L3MBTL4: variants seen among roughly 807,000 people sequenced by gnomAD.
L3MBTL4 encodes lethal(3)malignant brain tumor-like protein 4.
Under a neutral mutation model 84.5 loss-of-function variants are expected in L3MBTL4, and 70 were observed. The ratio of observed to expected loss-of-function variants is 0.83; its 90% CI spans 0.68 to 1.01. L3MBTL4 has a LOEUF of 1.01. Among genes scored for constraint, L3MBTL4 ranks in the 50% least tolerant of loss-of-function variants. The pLI, the probability that L3MBTL4 is intolerant of heterozygous loss-of-function variation, is 0.00. For missense variants in L3MBTL4, 715 were observed against 754.8 expected (o/e 0.95, Z 0.62); for synonymous variants, 274 against 259.8 (o/e 1.05, Z -0.52).
chr18:6,301,230 A>G lies in L3MBTL4; in HGVS notation c.127+673T>C, dbSNP rs892041604. On this transcript the variant is annotated intron_variant, in intron 4 of 18. Transcript: ENST00000317931. ...AGGTACTTTAAAAGTTAATTAGAGG[A>G]CCATTATCATATTTATATGCTTCCT... 4.6e-5 allele frequency among the ~76,000 whole-genome samples: 7 copies of G among 152,172 alleles called. No individual in the cohort carries two copies. In the South Asian group the frequency reaches 6.2e-4, roughly 14 times the overall value.
At chr18:6,061,522 G>A (rs1252785151) in intron 16 of L3MBTL4, among the ~76,000 whole-genome samples, 2 of 151,374 alleles carry the variant, frequency 1.3e-5, no homozygotes, top group African/African-American at 4.9e-5. Flanking sequence ...TCTTTTTCAT[G>A]GTTTGTGCTT....
intron 5 of L3MBTL4, among the ~76,000 whole-genome samples, chr18:6,258,095 C>T (rs757816157): frequency 6.6e-6 from 1 of 152,090 alleles, no homozygotes; most frequent in Non-Finnish European, 1.5e-5. Context: ...TCTTCCAGGA[C>T]CACAGGGGAA....
At chr18:6,188,803 A>T (rs1474655029) in intron 12 of L3MBTL4, among the ~76,000 whole-genome samples, 2 of 152,366 alleles carry the variant, frequency 1.3e-5, no homozygotes, top group East Asian at 3.9e-4. Flanking sequence ...TGGAAGGCCC[A>T]GGGAGACCCC....
intron 1 of L3MBTL4, among the ~76,000 whole-genome samples, chr18:6,360,733 T>G (rs2053652404): frequency 6.6e-6 from 1 of 152,096 alleles, no homozygotes; most frequent in African/African-American, 2.4e-5. Context: ...CTCACGCCTG[T>G]AAACCCAACA....
At chr18:6,335,065 T>C (rs1384962778) in intron 1 of L3MBTL4, among the ~76,000 whole-genome samples, 1 of 152,186 alleles carries the variant, frequency 6.6e-6, no homozygotes, top group Non-Finnish European at 1.5e-5. Flanking sequence ...CTCTCAGAAA[T>C]CAATTGCTCT....
At chr18:6,185,229 AGC>A (rs2044666826) in intron 12 of L3MBTL4, among the ~76,000 whole-genome samples, 2 of 152,204 alleles carry the variant, frequency 1.3e-5, no homozygotes, top group Admixed American at 6.5e-5. Context: ...GGGAAGGCGG[AGC>A]CAGGGCCATA....
intron 14 of L3MBTL4, among the ~76,000 whole-genome samples, chr18:6,096,010 T>C (rs2058632225): frequency 1.3e-5 from 2 of 152,240 alleles, no homozygotes; most frequent in African/African-American, 4.8e-5. Context: ...TCAGAAGTTT[T>C]GCTATCCATC....
At chr18:6,002,292 G>A (rs1397370223) in intron 16 of L3MBTL4, among the ~76,000 whole-genome samples, 1 of 152,160 alleles carries the variant, frequency 6.6e-6, no homozygotes, top group Non-Finnish European at 1.5e-5. Flanking sequence ...TGTAAGAAAT[G>A]CTAAAGGGAG....
chr18:6,334,616 T>C lies in L3MBTL4; in HGVS notation c.-90-22560A>G, dbSNP rs577240818. Among the ~76,000 whole-genome samples the C allele has an allele frequency of 3.3e-5, 5 of 152,340 alleles. No homozygotes were observed. The South Asian group carries it at 1.0e-3, about 32-fold the overall frequency. ...TATAATTGTTTAATTGGCATTGTTT[T>C]TTCTTACTAGTGGTCCTTAAAATAA... On this transcript the variant is annotated intron_variant, in intron 1 of 18. Coordinates refer to ENST00000317931, the MANE Select transcript of L3MBTL4 (RefSeq NM_001330559.2).
chr18:6,330,875 A>G (rs2051999061), intron 1 of L3MBTL4, among the ~76,000 whole-genome samples: 1 of 152,252 alleles, frequency 6.6e-6, no homozygotes, highest in South Asian at 2.1e-4. Flanking sequence ...AAACATTAAA[A>G]TACATTTTAA....
At chr18:6,261,106 T>C (rs1248864102) in intron 5 of L3MBTL4, among the ~76,000 whole-genome samples, 1 of 152,196 alleles carries the variant, frequency 6.6e-6, no homozygotes, top group Non-Finnish European at 1.5e-5. Context: ...GAATTCCTCA[T>C]AAATTCATTA....
chr18:6,274,792 C>T (rs776211565), intron 4 of L3MBTL4, among the ~76,000 whole-genome samples: 4 of 152,146 alleles, frequency 2.6e-5, no homozygotes, highest in Admixed American at 6.5e-5. Flanking sequence ...CATGATATGA[C>T]GAGGTCTCGA....
intron 4 of L3MBTL4, among the ~76,000 whole-genome samples, chr18:6,278,121 A>T (rs1410063785): frequency 6.6e-6 from 1 of 152,156 alleles, no homozygotes; most frequent in Non-Finnish European, 1.5e-5. Context: ...ATTTGCTAAA[A>T]ATTCCAAGAC....
At chr18:6,161,631 C>G (rs1046583626) in intron 13 of L3MBTL4, among the ~76,000 whole-genome samples, 1 of 152,098 alleles carries the variant, frequency 6.6e-6, no homozygotes, top group Non-Finnish European at 1.5e-5. Context: ...TATAGAGAAC[C>G]AGCAAGTTCT....
rs12457021 is a variant in L3MBTL4 at position 6,016,228 on chromosome 18, G to T, written c.1445-46666C>A. On this transcript the variant is annotated intron_variant, in intron 16 of 18. Coordinates refer to ENST00000317931, the MANE Select transcript of L3MBTL4 (RefSeq NM_001330559.2). Reference sequence around the variant, plus strand: ...AGGACTCTTCCGGGGGAGCAGCAGGGGCACGGATGGAGCCTTTGGAAGGGG... The same window carrying T: ...AGGACTCTTCCGGGGGAGCAGCAGGTGCACGGATGGAGCCTTTGGAAGGGG... Among the ~76,000 whole-genome samples the T allele has an allele frequency of 4.1e-4, 63 of 152,056 alleles. 1 individual carries two copies. The highest frequency in any genetic ancestry group is 7.2e-4 in the Admixed American group (11 of 15,280).
intron 16 of L3MBTL4, among the ~76,000 whole-genome samples, chr18:6,056,443 C>T (rs776708444): frequency 5.3e-5 from 8 of 152,110 alleles, no homozygotes; most frequent in African/African-American, 7.2e-5. Flanking sequence ...CAGGAGGCTC[C>T]CTCTGAAGTG....
chr18:6,239,573 G>C lies in L3MBTL4; in HGVS notation c.707+145C>G. 3 of 712,420 alleles carry C rather than the reference G, an allele frequency of 4.2e-6. No individual in the cohort carries two copies. The South Asian group carries it at 5.5e-5, about 13-fold the overall frequency. 44.1% of individuals were successfully genotyped at this position (712,420 alleles called of 1,614,324 possible). ...CTTTAATTCAGTAATTCACATGGAA[G>C]AGAAGGTAATGAACAGTCAACCACC... On this transcript the variant is annotated intron_variant, in intron 9 of 18. Transcript: ENST00000317931.
Position 6,190,335 on chromosome 18 carries a change from T to A in L3MBTL4, c.982-18393A>T, listed in dbSNP as rs559259688. ...AGAAGTTTTTGAATGATAGAAATGTTCTCTGTTTTGACCTGGATGATAGTT... is the reference window on the plus strand; with the variant it reads ...AGAAGTTTTTGAATGATAGAAATGTACTCTGTTTTGACCTGGATGATAGTT... On this transcript the variant is annotated intron_variant, in intron 12 of 18. Transcript: ENST00000317931. Among the ~76,000 whole-genome samples the A allele has an allele frequency of 6.6e-5, 10 of 152,334 alleles. No individual in the cohort carries two copies. The East Asian group carries it at 1.9e-3, about 29-fold the overall frequency.
intron 4 of L3MBTL4, among the ~76,000 whole-genome samples, chr18:6,286,121 T>C (rs976767687): frequency 1.0e-4 from 15 of 149,658 alleles, no homozygotes; most frequent in African/African-American, 3.7e-4. Flanking sequence ...TGAGCCACCA[T>C]GCCCGGCCTG....
Sources: gnomAD v4.1 joint callset for allele counts (sites outside exome capture counted in the v4.1 genomes callset) on GRCh38, gnomAD v4.1.1 for gene constraint, MANE v1.5 for transcripts, NCBI Gene and HGNC (gene_info 2026-07-23, HGNC 2026-07-21) for gene names.